Variants in TTLL5 observed in about 807,000 individuals in gnomAD.
TTLL5 encodes the protein tubulin tyrosine ligase like 5, also known as tubulin polyglutamylase TTLL5.
In TTLL5, 132 loss-of-function variants were observed where a neutral mutation model predicts 168.4. That is an observed-to-expected ratio of 0.78 (90% confidence interval 0.68 to 0.91). The LOEUF is 0.91. TTLL5 is among the 40% of genes least tolerant of loss of function. TTLL5 has a pLI of 0.00. For synonymous variants in TTLL5, 546 were observed against 558.6 expected (o/e 0.98, Z 0.32); for missense variants, 1,545 against 1,581.5 (o/e 0.98, Z 0.39).
chr14:75,767,405 T>A (rs1891031143), intron 20 of TTLL5, among the ~76,000 whole-genome samples: 1 of 152,194 alleles, frequency 6.6e-6, no homozygotes, highest in African/African-American at 2.4e-5. Context: ...AATGTTAGAA[T>A]GTAATTGGGC....
rs779528644 is a variant in TTLL5, at chr14:75,820,124, C to A, written c.3289C>A (p.Gln1097Lys). 1.2e-6 allele frequency: 2 copies of A among 1,601,188 alleles called. No homozygotes were observed. The highest frequency in any genetic ancestry group is 3.4e-5 in the Admixed American group (2 of 58,000). ...GPTWSTQSDP[Q>K]APENHSSSPG... ...GACATGGTCTACACAGTCAGACCCC[C>A]AAGCTCCCGAGAATCACTCCAGCTC... is the stretch of plus-strand genomic sequence containing the variant. The change falls in exon 28 of 32, where the codon CAA becomes AAA. Residue 1097 changes from glutamine (Q) to lysine (K), a missense_variant. Gln to Lys is a moderately conservative substitution (Grantham distance 53, BLOSUM62 1). Transcript: ENST00000298832.
At chr14:75,672,340 G>C (rs889086717) in intron 3 of TTLL5, among the ~76,000 whole-genome samples, 21 of 152,106 alleles carry the variant, frequency 1.4e-4, no homozygotes, top group African/African-American at 4.6e-4. Context: ...TCCTCCTCCT[G>C]AGTTCAAGCA....
At chr14:75,848,682 G>A (rs1171038325) in intron 28 of TTLL5, among the ~76,000 whole-genome samples, 1 of 152,172 alleles carries the variant, frequency 6.6e-6, no homozygotes. Context: ...CTGGATCAAA[G>A]ACATTTCATG....
chr14:75,891,100 C>A (rs1206499705), intron 30 of TTLL5, among the ~76,000 whole-genome samples: 2 of 152,180 alleles, frequency 1.3e-5, no homozygotes, highest in Non-Finnish European at 2.9e-5. Context: ...AAGCCTTCTG[C>A]AATATGACCT....
intron 28 of TTLL5, among the ~76,000 whole-genome samples, chr14:75,841,876 T>A (rs1291130449): frequency 6.6e-6 from 1 of 152,192 alleles, no homozygotes; most frequent in African/African-American, 2.4e-5. Context: ...TTTGTATATT[T>A]TTTCATGTAT....
At chr14:75,784,456 G>A (rs971685453) in intron 26 of TTLL5, among the ~76,000 whole-genome samples, 13 of 152,282 alleles carry the variant, frequency 8.5e-5, no homozygotes, top group Non-Finnish European at 1.3e-4. Context: ...ATATTCCATT[G>A]TATGGATATA....
chr14:75,766,250 A>T lies in TTLL5; in HGVS notation c.1897A>T (p.Asn633Tyr), dbSNP rs141429300. The change falls in exon 20 of 32, where the codon AAT becomes TAT. Residue 633 changes from asparagine to tyrosine, a missense_variant. By Grantham distance (143) the Asn-to-Tyr change is moderately radical. Coordinates refer to ENST00000298832, the MANE Select transcript of TTLL5 (RefSeq NM_015072.5). ...TTTGGTAGAAAATACACCCAAAGAAAATTCCATGAAAGTTCGTGAATGGAA... is the reference window on the plus strand; with the variant it reads ...TTTGGTAGAAAATACACCCAAAGAATATTCCATGAAAGTTCGTGAATGGAA... ...TALVENTPKE[N>Y]SMKVREWNNK... is the part of the protein sequence containing the mutation. 3 of 1,614,118 alleles carry T rather than the reference A, an allele frequency of 1.9e-6. No homozygotes were observed. In the Admixed American group the frequency reaches 5.0e-5, roughly 27 times the overall value.
At chr14:75,911,466 G>C (rs1016162206) in intron 31 of TTLL5, among the ~76,000 whole-genome samples, 1 of 152,188 alleles carries the variant, frequency 6.6e-6, no homozygotes, top group African/African-American at 2.4e-5. Flanking sequence ...ATTTTAAGAT[G>C]ATGAGGTGAA....
At chr14:75,855,026 T>C (rs1897059018) in intron 28 of TTLL5, among the ~76,000 whole-genome samples, 1 of 152,160 alleles carries the variant, frequency 6.6e-6, no homozygotes, top group Non-Finnish European at 1.5e-5. Flanking sequence ...ATGGTAGTTT[T>C]ATAGTAGTCT....
chr14:75,759,053 C>A (rs1890463198), intron 18 of TTLL5, among the ~76,000 whole-genome samples: 1 of 151,976 alleles, frequency 6.6e-6, no homozygotes, highest in Non-Finnish European at 1.5e-5. Flanking sequence ...AGAATGTTAA[C>A]AAAATCCAAA....
chr14:75,829,044 G>A (rs1267448132), intron 28 of TTLL5, among the ~76,000 whole-genome samples: 1 of 152,186 alleles, frequency 6.6e-6, no homozygotes, highest in Non-Finnish European at 1.5e-5. Context: ...ACTAATGCAA[G>A]TACTATAAAG....
At chr14:75,714,408 T>G (rs1183289764) in intron 9 of TTLL5, among the ~76,000 whole-genome samples, 1 of 152,184 alleles carries the variant, frequency 6.6e-6, no homozygotes, top group Non-Finnish European at 1.5e-5. Flanking sequence ...AAGAAAAATC[T>G]ATTGATTTTT....
intron 31 of TTLL5, among the ~76,000 whole-genome samples, chr14:75,913,560 C>A (rs1395961755): frequency 6.6e-6 from 1 of 151,566 alleles, no homozygotes; most frequent in African/African-American, 2.4e-5. Flanking sequence ...TTAAGAAATC[C>A]CAATTCAGAA....
intron 3 of TTLL5, among the ~76,000 whole-genome samples, chr14:75,680,222 C>T (rs576206765): frequency 1.3e-5 from 2 of 152,258 alleles, no homozygotes; most frequent in African/African-American, 4.8e-5. Flanking sequence ...TCAGACTTTC[C>T]GCTCCCATAG....
At chr14:75,804,010 G>T (rs1893496058) in intron 27 of TTLL5, among the ~76,000 whole-genome samples, 2 of 152,178 alleles carry the variant, frequency 1.3e-5, no homozygotes. Flanking sequence ...AGGGATAACA[G>T]CAGACCACCC....
intron 28 of TTLL5, among the ~76,000 whole-genome samples, chr14:75,843,987 A>G (rs1896402442): frequency 1.3e-5 from 2 of 151,514 alleles, no homozygotes; most frequent in South Asian, 4.2e-4. Flanking sequence ...ACACCTCCCA[A>G]GTTCAGGAGA....
intron 7 of TTLL5, among the ~76,000 whole-genome samples, chr14:75,704,987 A>G (rs1886550869): frequency 6.6e-6 from 1 of 152,222 alleles, no homozygotes; most frequent in African/African-American, 2.4e-5. Context: ...GGGTGAGTAG[A>G]TATTTATTGT....
intron 12 of TTLL5, among the ~76,000 whole-genome samples, chr14:75,731,350 T>G (rs567296983): frequency 6.9e-6 from 1 of 145,588 alleles, no homozygotes; most frequent in Admixed American, 7.1e-5. Context: ...TATATATAGA[T>G]ATAGCTATAA....
chr14:75,753,097 A>G (rs1362366160), intron 18 of TTLL5, 142 bp downstream of exon 18: 2 of 688,012 alleles, frequency 2.9e-6, no homozygotes, highest in Admixed American at 3.0e-5. Context: ...GCATGCTATC[A>G]TGACTCATTT....
Sources: gnomAD v4.1 joint callset for allele counts (sites outside exome capture counted in the v4.1 genomes callset) on GRCh38, gnomAD v4.1.1 for gene constraint, MANE v1.5 for transcripts, NCBI Gene and HGNC (gene_info 2026-07-23, HGNC 2026-07-21) for gene names.